Variants in SPAG16 observed in about 807,000 individuals in gnomAD.
SPAG16 encodes the protein sperm associated antigen 16.
SPAG16 carries 86 observed loss-of-function variants against 80.4 expected under a neutral mutation model. The ratio of observed to expected loss-of-function variants is 1.07; its 90% CI spans 0.90 to 1.28. The LOEUF (loss-of-function observed/expected upper bound fraction) is 1.28. SPAG16 is among the 50% of genes most tolerant of loss of function. The probability of loss-of-function intolerance (pLI) is 0.00; values close to 1 mark genes in which losing one functional copy is unlikely to be tolerated. For synonymous variants in SPAG16, 294 were observed against 265.9 expected, an observed-to-expected ratio of 1.11 and a Z score of -1.03; for missense variants, 870 against 765.3, an observed-to-expected ratio of 1.14 and a Z score of -1.61.
At chr2:213,880,332 T>C (rs892438591) in intron 11 of SPAG16, among the ~76,000 whole-genome samples, 2 of 152,228 alleles carry the variant, frequency 1.3e-5, no homozygotes, top group African/African-American at 4.8e-5. Flanking sequence ...TACCTGTTAT[T>C]TGCTTGTTGA....
intron 13 of SPAG16, among the ~76,000 whole-genome samples, chr2:214,073,067 A>G (rs2125232072): frequency 6.6e-6 from 1 of 152,264 alleles, no homozygotes; most frequent in East Asian, 1.9e-4. Context: ...ACATGAAAAG[A>G]TACCTTGCAG....
chr2:213,303,953 C>T (rs553608452), intron 3 of SPAG16, among the ~76,000 whole-genome samples: 1 of 152,082 alleles, frequency 6.6e-6, no homozygotes, highest in East Asian at 1.9e-4. Flanking sequence ...TTTTGGGGAA[C>T]ATCTAACCTG....
chr2:213,387,442 T>TTTTTTTC (rs2067493158), intron 9 of SPAG16, among the ~76,000 whole-genome samples: 1 of 26,766 alleles, frequency 3.7e-5, no homozygotes. Flanking sequence ...TTTTTTTTTT[T>TTTTTTTC]TTTTTTTTTT....
rs2072934798 is a variant in SPAG16 at position 213,469,304 on chromosome 2, A to T, written c.943-20659A>T. 2.0e-5 allele frequency among the ~76,000 whole-genome samples: 3 copies of T among 152,246 alleles called. No individual in the cohort carries two copies. The South Asian group carries it at 6.2e-4, about 31-fold the overall frequency. On this transcript the variant is annotated intron_variant, in intron 9 of 15. Transcript: ENST00000331683. ...CAATCCCCAACCCAAATACTATTAC[A>T]TAAAGTTAATAATACTTAAATGCTG...
At chr2:213,641,435 A>T (rs372580260) in intron 10 of SPAG16, among the ~76,000 whole-genome samples, 3 of 152,138 alleles carry the variant, frequency 2.0e-5, no homozygotes, top group Non-Finnish European at 4.4e-5. Context: ...TGCACTTTGC[A>T]TTTGCTCCCC....
chr2:214,367,274 T>C (rs1199504826), intron 15 of SPAG16, among the ~76,000 whole-genome samples: 2 of 152,200 alleles, frequency 1.3e-5, no homozygotes, highest in Admixed American at 1.3e-4. Context: ...ACTATAACAA[T>C]TCATGTGATC....
chr2:214,191,241 A>G (rs565520185), intron 15 of SPAG16, among the ~76,000 whole-genome samples: 3 of 152,260 alleles, frequency 2.0e-5, no homozygotes, highest in South Asian at 2.1e-4. Context: ...AGGCACAGCC[A>G]CTTTCAATAA....
intron 15 of SPAG16, among the ~76,000 whole-genome samples, chr2:214,291,207 G>A (rs1004170840): frequency 3.3e-5 from 5 of 150,918 alleles, no homozygotes; most frequent in African/African-American, 1.2e-4. Flanking sequence ...CTTTTGTTTG[G>A]AATATCTTTT....
chr2:213,725,044 T>G (rs1458790239), intron 10 of SPAG16, among the ~76,000 whole-genome samples: 1 of 152,042 alleles, frequency 6.6e-6, no homozygotes, highest in Non-Finnish European at 1.5e-5. Context: ...CTTTTTTTTT[T>G]TCTTTGAGGC....
intron 15 of SPAG16, among the ~76,000 whole-genome samples, chr2:214,407,449 G>A (rs1305513932): frequency 1.3e-5 from 2 of 152,002 alleles, no homozygotes; most frequent in African/African-American, 2.4e-5. Flanking sequence ...TTCTCATGAC[G>A]CTATTTAAAA....
At chr2:213,803,942 C>A (rs867220081) in intron 10 of SPAG16, among the ~76,000 whole-genome samples, 2 of 152,204 alleles carry the variant, frequency 1.3e-5, no homozygotes, top group African/African-American at 4.8e-5. Flanking sequence ...TCCTTTGCAT[C>A]TCAGAATTAG....
chr2:214,099,001 G>A (rs1222085164), intron 13 of SPAG16, among the ~76,000 whole-genome samples: 2 of 152,044 alleles, frequency 1.3e-5, no homozygotes, highest in Admixed American at 1.3e-4. Flanking sequence ...CCAGTTGGCT[G>A]ACTTTCAAGT....
intron 10 of SPAG16, among the ~76,000 whole-genome samples, chr2:213,742,059 T>C (rs1392293004): frequency 1.3e-5 from 2 of 152,130 alleles, no homozygotes; most frequent in Non-Finnish European, 2.9e-5. Flanking sequence ...ATTAAATCAA[T>C]TTATAGTTGA....
intron 11 of SPAG16, among the ~76,000 whole-genome samples, chr2:213,873,923 C>G (rs1028473830): frequency 1.3e-5 from 2 of 152,102 alleles, no homozygotes; most frequent in African/African-American, 2.4e-5. Context: ...ATACCATAGA[C>G]TATACAGACT....
chr2:213,655,395 A>T (rs184212757), intron 10 of SPAG16, among the ~76,000 whole-genome samples: 50 of 152,346 alleles, frequency 3.3e-4, no homozygotes, highest in African/African-American at 1.2e-3. Flanking sequence ...ACCCTAGATT[A>T]TACATATCTG....
At chr2:213,481,347 C>A (rs1310304808) in intron 9 of SPAG16, among the ~76,000 whole-genome samples, 1 of 152,102 alleles carries the variant, frequency 6.6e-6, no homozygotes, top group African/African-American at 2.4e-5. Flanking sequence ...CTTTCTAAAC[C>A]TTAATAGAAT....
chr2:213,728,038 G>A (rs1255875375), intron 10 of SPAG16, among the ~76,000 whole-genome samples: 2 of 151,960 alleles, frequency 1.3e-5, no homozygotes, highest in Non-Finnish European at 2.9e-5. Flanking sequence ...TAGTGGAGAC[G>A]AGGTTTCACT....
At chr2:213,832,090 C>T (rs945795680) in intron 10 of SPAG16, among the ~76,000 whole-genome samples, 5 of 151,962 alleles carry the variant, frequency 3.3e-5, no homozygotes, top group African/African-American at 4.8e-5. Context: ...TCCTTCCCCC[C>T]GGGTTCAAGT....
At chr2:214,186,044 T>TAAAAC (rs1359288481) in intron 15 of SPAG16, among the ~76,000 whole-genome samples, 1 of 151,738 alleles carries the variant, frequency 6.6e-6, no homozygotes, top group Non-Finnish European at 1.5e-5. Flanking sequence ...AGGCATAAAA[T>TAAAAC]AATGTTCAAA....
Sources: gnomAD v4.1 joint callset for allele counts (sites outside exome capture counted in the v4.1 genomes callset) on GRCh38, gnomAD v4.1.1 for gene constraint, MANE v1.5 for transcripts, NCBI Gene and HGNC (gene_info 2026-07-23, HGNC 2026-07-21) for gene names.